The following TRIM75 variants were observed in gnomAD, a reference collection of about 807,000 sequenced individuals.
TRIM75 encodes the protein tripartite motif-containing protein 75.
the TRIM75 span, chr4:165,059,032 G>T: frequency 1.6e-6 from 1 of 617,190 alleles, no homozygotes; most frequent in South Asian, 2.0e-5. Context: ...GTCATCAGCT[G>T]CCTCCAGGAA....
the TRIM75 span, among the ~76,000 whole-genome samples, chr4:165,055,073 G>T: frequency 6.6e-6 from 1 of 151,884 alleles, no homozygotes; most frequent in Admixed American, 6.6e-5. Flanking sequence ...GGCCAGGAGG[G>T]GTTAAGTAGC....
At chr4:165,057,301 G>A in the TRIM75 span, among the ~76,000 whole-genome samples, 17 of 152,018 alleles carry the variant, frequency 1.1e-4, no homozygotes, top group Admixed American at 4.6e-4. Flanking sequence ...CTTGAATTCA[G>A]GAGTTTGAGA....
At chr4:165,058,277 C>T in the TRIM75 span, among the ~76,000 whole-genome samples, 5 of 152,176 alleles carry the variant, frequency 3.3e-5, no homozygotes, top group Non-Finnish European at 5.9e-5. Flanking sequence ...AAGGATTCCT[C>T]CTGCCTCAAC....
the TRIM75 span, among the ~76,000 whole-genome samples, chr4:165,054,116 G>A: frequency 6.6e-6 from 1 of 151,530 alleles, no homozygotes. Context: ...TTTTTGAGAC[G>A]CAATCACGCT....
chr4:165,056,604 T>C, the TRIM75 span, among the ~76,000 whole-genome samples: 250 of 47,258 alleles, frequency 5.3e-3, 2 homozygotes, highest in African/African-American at 0.028. Flanking sequence ...CTCTGTCTCT[T>C]TTTTTTTTTT....
At chr4:165,060,545 T>C in the TRIM75 span, 2 of 747,858 alleles carry the variant, frequency 2.7e-6, no homozygotes, top group Non-Finnish European at 5.0e-6. Context: ...CAGGGACAGT[T>C]TGTGAATGAA....
the TRIM75 span, among the ~76,000 whole-genome samples, chr4:165,055,082 G>T: frequency 6.6e-6 from 1 of 151,852 alleles, no homozygotes; most frequent in Non-Finnish European, 1.5e-5. Flanking sequence ...GGGTTAAGTA[G>T]CTCCCCCAAG....
At chr4:165,059,336 G>C in the TRIM75 span, 11 of 780,314 alleles carry the variant, frequency 1.4e-5, no homozygotes, top group Non-Finnish European at 1.9e-5. Flanking sequence ...GTCAAGAGGG[G>C]CACTTCAGGA....
chr4:165,060,475 C>T, the TRIM75 span: 1 of 780,220 alleles, frequency 1.3e-6, no homozygotes, highest in South Asian at 1.3e-5. Context: ...GACACTTTTA[C>T]TGGGCCTCTT....
the TRIM75 span, among the ~76,000 whole-genome samples, chr4:165,057,474 G>A: frequency 6.6e-6 from 1 of 152,144 alleles, no homozygotes; most frequent in Non-Finnish European, 1.5e-5. Context: ...ATTTTTATAG[G>A]ATTAGCATTG....
the TRIM75 span, chr4:165,060,537 G>C: frequency 1.3e-6 from 1 of 756,206 alleles, no homozygotes; most frequent in East Asian, 2.5e-5. Flanking sequence ...AATCTGTACA[G>C]GGACAGTTTG....
the TRIM75 span, among the ~76,000 whole-genome samples, chr4:165,057,865 A>G: frequency 5.5e-4 from 83 of 152,206 alleles, no homozygotes; most frequent in Non-Finnish European, 7.6e-4. Flanking sequence ...CAGTGTTGGA[A>G]TGTCTACATA....
the TRIM75 span, among the ~76,000 whole-genome samples, chr4:165,056,457 G>C: frequency 6.6e-6 from 1 of 151,956 alleles, no homozygotes; most frequent in African/African-American, 2.4e-5. Flanking sequence ...GGACTATGCT[G>C]TCTGATAAAA....
the TRIM75 span, chr4:165,059,020 A>T: frequency 3.4e-3 from 2,101 of 612,316 alleles, 44 homozygotes; most frequent in African/African-American, 0.033. Context: ...GACTGTAGTG[A>T]GGTCATCAGC....
the TRIM75 span, chr4:165,059,754 T>A: frequency 1.3e-6 from 1 of 780,864 alleles, no homozygotes; most frequent in Non-Finnish European, 2.4e-6. Flanking sequence ...GGCAGTTCTC[T>A]CCAGATTAGC....
the TRIM75 span, among the ~76,000 whole-genome samples, chr4:165,055,444 C>T: frequency 6.6e-5 from 10 of 152,084 alleles, no homozygotes; most frequent in East Asian, 1.9e-4. Flanking sequence ...ACCACCATGC[C>T]GGGCTAGTTT....
the TRIM75 span, among the ~76,000 whole-genome samples, chr4:165,053,908 T>C: frequency 2.0e-5 from 3 of 151,570 alleles, no homozygotes; most frequent in African/African-American, 4.9e-5. Context: ...TGTGGCCTTT[T>C]GCACGGATAA....
the TRIM75 span, chr4:165,060,339 G>C: frequency 1.3e-6 from 1 of 780,924 alleles, no homozygotes; most frequent in Non-Finnish European, 2.4e-6. Flanking sequence ...TCATGCACCA[G>C]GGGCTTTTCC....
chr4:165,054,124 G>A, the TRIM75 span, among the ~76,000 whole-genome samples: 36 of 151,824 alleles, frequency 2.4e-4, no homozygotes, highest in Admixed American at 7.9e-4. Flanking sequence ...ACGCAATCAC[G>A]CTCTGTGACC....
Sources: allele counts gnomAD v4.1 joint callset (sites outside exome capture counted in the v4.1 genomes callset), GRCh38; gene constraint gnomAD v4.1.1; transcripts MANE v1.5; gene names NCBI Gene and HGNC (gene_info 2026-07-23, HGNC 2026-07-21).